The following ANKFN1 variants were observed in gnomAD, a reference collection of about 807,000 sequenced individuals.
ANKFN1 encodes ankyrin repeat and fibronectin type-III domain-containing protein 1.
A neutral mutation model predicts 108.7 loss-of-function variants in ANKFN1; 74 were observed. That is an observed-to-expected ratio of 0.68 (90% CI 0.56 to 0.83). The LOEUF is 0.83. Among genes scored for constraint, ANKFN1 ranks in the 40% least tolerant of loss-of-function variants. The pLI is 0.00. For missense variants in ANKFN1, 1,505 were observed against 1,382.3 expected (o/e 1.09, Z -1.41); for synonymous variants, 547 against 516.2 (o/e 1.06, Z -0.81).
chr17:56,408,261 A>G (rs945310151), intron 8 of ANKFN1, among the ~76,000 whole-genome samples: 4 of 152,236 alleles, frequency 2.6e-5, no homozygotes, highest in Non-Finnish European at 5.9e-5. Context: ...ATAATGGTCA[A>G]TCAGTTGGCC....
intron 4 of ANKFN1, among the ~76,000 whole-genome samples, chr17:56,341,738 G>A (rs1177188735): frequency 6.6e-6 from 1 of 151,634 alleles, no homozygotes. Context: ...TTGCATCAAT[G>A]TTCTTCCAGG....
chr17:56,336,991 A>G (rs1458995469), intron 4 of ANKFN1, among the ~76,000 whole-genome samples: 1 of 152,172 alleles, frequency 6.6e-6, no homozygotes, highest in African/African-American at 2.4e-5. Context: ...GTAGTCATTC[A>G]GGAGCAGGTT....
chr17:56,094,478 T>C (rs1905481444), intron 4 of ANKFN1, among the ~76,000 whole-genome samples: 1 of 48,884 alleles, frequency 2.0e-5, no homozygotes, highest in East Asian at 8.2e-4. Flanking sequence ...TTTCTTCTTT[T>C]TTTTTTTTTT....
intron 3 of ANKFN1, among the ~76,000 whole-genome samples, chr17:56,274,560 T>A (rs1598338488): frequency 6.6e-6 from 1 of 152,208 alleles, no homozygotes; most frequent in Admixed American, 6.5e-5. Flanking sequence ...TCAGAGAGCT[T>A]ATTTGACTTC....
intron 3 of ANKFN1, among the ~76,000 whole-genome samples, chr17:56,268,972 CT>C (rs1455986455): frequency 6.6e-6 from 1 of 152,176 alleles, no homozygotes; most frequent in Non-Finnish European, 1.5e-5. Context: ...GACTCCTATT[CT>C]TTGTGACATT....
At chr17:56,434,133 T>C (rs943442417) in intron 8 of ANKFN1, among the ~76,000 whole-genome samples, 2 of 152,154 alleles carry the variant, frequency 1.3e-5, no homozygotes, top group African/African-American at 4.8e-5. Flanking sequence ...TTTTTGTGGT[T>C]ACTTGTAGTG....
In ANKFN1 at chr17:56,135,064, C is replaced by T. The variant is rs902506404; in HGVS notation, c.288+88739C>T. The stretch of plus-strand genomic sequence containing the variant: ...TTAGAAAGCCAGATATTATTATCAT[C>T]CCCAGTTCACAGATAGTGGAATTCT... On this transcript the variant is annotated intron_variant, in intron 4 of 12. Transcript: ENST00000635860. 8.4e-4 allele frequency among the ~76,000 whole-genome samples: 128 copies of T among 152,232 alleles called. 4 individuals carry two copies. Among genetic ancestry groups the T allele is most frequent in the Admixed American group, 8.0e-3 (123 of 15,290 alleles).
At position 56,374,566 on chromosome 17, in the gene ANKFN1, A is replaced by G. The variant is rs770950496; in HGVS notation, c.797-35A>G. 38 of 1,468,578 alleles carry G rather than the reference A, an allele frequency of 2.6e-5. No individual in the cohort carries two copies. In the East Asian group the frequency reaches 6.1e-4, roughly 24 times the overall value. 91.0% of individuals were successfully genotyped at this position (1,468,578 alleles called of 1,614,324 possible). A position where few individuals can be genotyped will look rare whatever the true frequency, so the allele number is the denominator to read the frequency against. ...GAACGTTGTTTGAAAAGGATTTGCT[A>G]TGTTAAGATCCTTGTGTTTTTCCTT... is the stretch of plus-strand genomic sequence containing the variant. On this transcript the variant is annotated intron_variant, in intron 7 of 20. Coordinates refer to ENST00000682825, the MANE Select transcript of ANKFN1 (RefSeq NM_001370326.1).
At chr17:56,159,715 C>T (rs1909464118) in intron 1 of ANKFN1, among the ~76,000 whole-genome samples, 1 of 152,148 alleles carries the variant, frequency 6.6e-6, no homozygotes, top group Non-Finnish European at 1.5e-5. Flanking sequence ...TTTTCTTGAA[C>T]ATCGTCAGTC....
chr17:56,056,376 C>CAAAAA (rs35100387), intron 4 of ANKFN1, among the ~76,000 whole-genome samples: 1 of 135,168 alleles, frequency 7.4e-6, no homozygotes, highest in African/African-American at 2.7e-5. Context: ...CAATTCTAAG[C>CAAAAA]AAAAAAAAAA....
chr17:56,220,604 G>A (rs1478817500), intron 2 of ANKFN1, among the ~76,000 whole-genome samples: 1 of 151,708 alleles, frequency 6.6e-6, no homozygotes, highest in Admixed American at 6.6e-5. Flanking sequence ...AGGCTGCAGT[G>A]AGCTATGATT....
chr17:56,460,158 A>C (rs1354155236), intron 14 of ANKFN1, among the ~76,000 whole-genome samples: 2 of 152,006 alleles, frequency 1.3e-5, no homozygotes, highest in African/African-American at 2.4e-5. Flanking sequence ...TTCTCTACTA[A>C]ATTTGCTTTC....
chr17:56,467,773 AAGAAAG>A (rs1175436601), intron 15 of ANKFN1, among the ~76,000 whole-genome samples: 2 of 22,828 alleles, frequency 8.8e-5, no homozygotes, highest in Non-Finnish European at 2.4e-4. Context: ...GAAAGAAAGA[AAGAAAG>A]AAAGAAAGAA....
At chr17:56,127,214 A>G (rs1403647264) in intron 4 of ANKFN1, among the ~76,000 whole-genome samples, 2 of 152,218 alleles carry the variant, frequency 1.3e-5, no homozygotes, top group Non-Finnish European at 2.9e-5. Context: ...AAGGAAATTG[A>G]GGCTCAGGAT....
chr17:56,337,652 C>T (rs935265104), intron 4 of ANKFN1, among the ~76,000 whole-genome samples: 1 of 152,128 alleles, frequency 6.6e-6, no homozygotes, highest in Non-Finnish European at 1.5e-5. Flanking sequence ...AGGATATGGA[C>T]AGACACTTCT....
At chr17:56,147,762 A>G (rs1186098588) in intron 4 of ANKFN1, among the ~76,000 whole-genome samples, 1 of 152,212 alleles carries the variant, frequency 6.6e-6, no homozygotes, top group African/African-American at 2.4e-5. Flanking sequence ...TTTCATCTTC[A>G]GAAGATTCCT....
chr17:56,265,651 C>T (rs937836923), intron 3 of ANKFN1, among the ~76,000 whole-genome samples: 4 of 152,128 alleles, frequency 2.6e-5, no homozygotes, highest in Non-Finnish European at 4.4e-5. Flanking sequence ...AGGATTGGTT[C>T]CAGGACCCCC....
chr17:56,494,461 C>G (rs1269262745), intron 19 of ANKFN1, among the ~76,000 whole-genome samples: 1 of 151,954 alleles, frequency 6.6e-6, no homozygotes, highest in African/African-American at 2.4e-5. Context: ...AACAACAGAT[C>G]AGAAGCTGGT....
chr17:56,499,013 G>T lies in ANKFN1; in HGVS notation c.2559G>T (p.Lys853Asn). The T allele has an allele frequency of 1.3e-6, 2 of 1,535,716 alleles. No individual in the cohort carries two copies. The highest frequency in any genetic ancestry group is 2.4e-5 in the South Asian group (2 of 84,042). Residue 853 changes from lysine (K) to asparagine (N), a missense_variant, in exon 20 of 21, where the codon AAG becomes AAT. Lys to Asn is a moderately conservative substitution (Grantham distance 94). Coordinates refer to ENST00000682825, the MANE Select transcript of ANKFN1 (RefSeq NM_001370326.1). The stretch of plus-strand genomic sequence containing the variant: ...CCTCAGATGAGCAGAGCCTAAAGAA[G>T]ATCAATTCTACATCATCATCACATA... ...IDPSDEQSLK[K>N]INSTSSSHID...
Sources: gnomAD v4.1 joint callset for allele counts (sites outside exome capture counted in the v4.1 genomes callset) on GRCh38, gnomAD v4.1.1 for gene constraint, MANE v1.5 for transcripts, NCBI Gene and HGNC (gene_info 2026-07-23, HGNC 2026-07-21) for gene names.